Variants in ATP7A observed in about 807,000 individuals in gnomAD.
The protein encoded by ATP7A is ATPase copper transporting alpha.
In ATP7A, 7 loss-of-function variants were observed where a neutral mutation model predicts 83.5. The observed-to-expected ratio is 0.08, with a 90% confidence interval of 0.05 to 0.16. The LOEUF (loss-of-function observed/expected upper bound fraction) is 0.16. Ranked by LOEUF, ATP7A falls within the 10% of genes least tolerant of loss-of-function variation. The pLI is 1.00. For synonymous variants in ATP7A, 354 were observed against 395.2 expected, an observed-to-expected ratio of 0.90 and a Z score of 1.24; for missense variants, 940 against 1,120.8, an observed-to-expected ratio of 0.84 and a Z score of 2.30.
intron 17 of ATP7A, among the ~76,000 whole-genome samples, chrX:78,035,209 C>G (rs781974600): frequency 9.0e-6 from 1 of 111,549 alleles, no homozygotes; most frequent in Admixed American, 9.5e-5. Flanking sequence ...CTTCCACTAC[C>G]GCTCTAAAAT....
intron 2 of ATP7A, among the ~76,000 whole-genome samples, chrX:77,981,586 G>A (rs2077605712): frequency 9.0e-6 from 1 of 111,723 alleles, no homozygotes. Context: ...AAGGTGGGAG[G>A]ATTGCTTGAG....
In ATP7A at chrX:78,048,872, A is replaced by C. The variant is rs1252771791; in HGVS notation, c.*2302A>C. On this transcript the variant is annotated 3_prime_UTR_variant, in exon 23 of 23. Transcript: ENST00000341514. ...CTCCTTCTCCCTCCCACCCACCTCA[A>C]GCAGTTGAACACAGCCAGTTATTCT... 9.0e-6 allele frequency: 1 copy of C among 111,413 alleles called. No homozygotes were observed. Among genetic ancestry groups the C allele is most frequent in the Non-Finnish European group, 1.9e-5 (1 of 53,092 alleles). The allele number at this position is 111,413 out of a possible 1,213,427, so 9.2% of individuals were successfully genotyped here. A position where few individuals can be genotyped will look rare whatever the true frequency, so the allele number is the denominator to read the frequency against.
At chrX:77,932,028 G>A (rs1203429758) in intron 1 of ATP7A, among the ~76,000 whole-genome samples, 10 of 109,855 alleles carry the variant, frequency 9.1e-5, no homozygotes, top group Non-Finnish European at 1.7e-4. Context: ...TGGACGGGGC[G>A]GCTGGCCTGG....
intron 4 of ATP7A, among the ~76,000 whole-genome samples, chrX:77,995,005 G>A (rs943760616): frequency 8.9e-6 from 1 of 111,739 alleles, no homozygotes; most frequent in Admixed American, 9.5e-5. Flanking sequence ...AAAAACCTTG[G>A]CATAGTGAAT....
At chrX:77,918,140 C>T (rs1263759441) in intron 1 of ATP7A, among the ~76,000 whole-genome samples, 1 of 107,094 alleles carries the variant, frequency 9.3e-6, no homozygotes, top group African/African-American at 3.4e-5. Flanking sequence ...GATCACAGCT[C>T]ACTGCAGCCT....
chrX:78,013,288 T>A (rs2077840131), intron 10 of ATP7A, among the ~76,000 whole-genome samples, 176 bp downstream of exon 10: 1 of 112,069 alleles, frequency 8.9e-6, no homozygotes, highest in Admixed American at 9.5e-5. Context: ...TTACCAAATA[T>A]GGAATTAATA....
At chrX:77,980,372 G>C in intron 2 of ATP7A, among the ~76,000 whole-genome samples, 1 of 110,114 alleles carries the variant, frequency 9.1e-6, no homozygotes, top group Non-Finnish European at 1.9e-5. Context: ...TTGAACCCTG[G>C]AGGTGGAGGT....
intron 1 of ATP7A, chrX:77,965,436 C>A: frequency 3.1e-6 from 1 of 323,234 alleles, no homozygotes; most frequent in Non-Finnish European, 6.0e-6. Flanking sequence ...CATCAGTAAT[C>A]AGAGAAATGT....
intron 1 of ATP7A, among the ~76,000 whole-genome samples, chrX:77,971,261 A>G (rs2077545138): frequency 8.9e-6 from 1 of 111,969 alleles, no homozygotes. Context: ...GATTTGAGGC[A>G]TTTTTGATTA....
rs190076738 is a variant in ATP7A, at chrX:77,999,298, A to G, written c.1543+614A>G. Among the ~76,000 whole-genome samples, 1,003 of 111,445 alleles carry G rather than the reference A, an allele frequency of 9.0e-3. 7 individuals are homozygous for G. Among genetic ancestry groups the G allele is most frequent in the Middle Eastern group, 0.019 (4 of 216 alleles). ...AGGCGTGAGCCACCACACACGGCCCATAAATTTTCTTCTAAAGCTATGCCT... is the reference window on the plus strand; with the variant it reads ...AGGCGTGAGCCACCACACACGGCCCGTAAATTTTCTTCTAAAGCTATGCCT... On this transcript the variant is annotated intron_variant, in intron 5 of 22. Coordinates refer to ENST00000341514, the MANE Select transcript of ATP7A (RefSeq NM_000052.7).
chrX:77,926,403 C>T (rs2077241387), intron 1 of ATP7A, among the ~76,000 whole-genome samples: 1 of 111,301 alleles, frequency 9.0e-6, no homozygotes, highest in Non-Finnish European at 1.9e-5. Flanking sequence ...CAATCTCAGC[C>T]CACTGCAACC....
At chrX:77,955,292 T>C (rs1383611646) in intron 1 of ATP7A, among the ~76,000 whole-genome samples, 2 of 112,090 alleles carry the variant, frequency 1.8e-5, no homozygotes, top group Non-Finnish European at 3.8e-5. Flanking sequence ...TTTTATTTTT[T>C]ATTCATAAGC....
chrX:78,004,314 A>T (rs2077759099), intron 6 of ATP7A, among the ~76,000 whole-genome samples: 1 of 112,317 alleles, frequency 8.9e-6, no homozygotes, highest in Non-Finnish European at 1.9e-5. Flanking sequence ...AGAGAGCGGG[A>T]TTGAGGGAGA....
chrX:78,042,478 T>A lies in ATP7A; in HGVS notation c.3802-107T>A, dbSNP rs782612860. The A allele has an allele frequency of 3.1e-5, 25 of 818,551 alleles. No individual in the cohort carries two copies. In the South Asian group the frequency reaches 4.8e-4, roughly 16 times the overall value. The allele number at this position is 818,551 out of a possible 1,213,427, so 67.5% of individuals were successfully genotyped here. The stretch of plus-strand genomic sequence containing the variant: ...CTATCACTAGATATTATCAGTCTTT[T>A]AAAATGTGGACATCTTGTGGGTGAA... On this transcript the variant is annotated intron_variant, in intron 19 of 22. Transcript: ENST00000341514.
chrX:77,944,527 C>T (rs1359521437), intron 1 of ATP7A, among the ~76,000 whole-genome samples: 6 of 110,803 alleles, frequency 5.4e-5, no homozygotes, highest in Non-Finnish European at 1.1e-4. Flanking sequence ...ACCTCGAACT[C>T]CTGGGCTCAG....
intron 1 of ATP7A, among the ~76,000 whole-genome samples, chrX:77,941,209 A>T (rs2077349656): frequency 9.0e-6 from 1 of 111,462 alleles, no homozygotes; most frequent in Non-Finnish European, 1.9e-5. Flanking sequence ...AAGGATATTC[A>T]TTGAAGCAGG....
At chrX:77,949,673 A>G (rs1194006445) in intron 1 of ATP7A, among the ~76,000 whole-genome samples, 1 of 112,094 alleles carries the variant, frequency 8.9e-6, no homozygotes, top group East Asian at 2.8e-4. Flanking sequence ...GGGCATCTGA[A>G]TATTTTAGTG....
chrX:77,915,745 G>A (rs1557222448), intron 1 of ATP7A, among the ~76,000 whole-genome samples: 1 of 111,434 alleles, frequency 9.0e-6, no homozygotes, highest in East Asian at 2.8e-4. Context: ...TTGGAGACAG[G>A]GTCTTGCTCC....
At chrX:78,044,505 T>A (rs1557238850) in intron 21 of ATP7A, among the ~76,000 whole-genome samples, 1 of 111,930 alleles carries the variant, frequency 8.9e-6, no homozygotes, top group African/African-American at 3.2e-5. Context: ...AGCAAATGAT[T>A]TTTAAAGAAT....
Sources: gnomAD v4.1 joint callset for allele counts (sites outside exome capture counted in the v4.1 genomes callset) on GRCh38, gnomAD v4.1.1 for gene constraint, MANE v1.5 for transcripts, NCBI Gene and HGNC (gene_info 2026-07-23, HGNC 2026-07-21) for gene names.